The following GPR137C variants were observed in gnomAD, a reference collection of about 807,000 sequenced individuals.
GPR137C encodes the protein G protein-coupled receptor 137C.
A neutral mutation model predicts 43.4 loss-of-function variants in GPR137C; 27 were observed. The ratio of observed to expected loss-of-function variants is 0.62; its 90% CI spans 0.46 to 0.86. The LOEUF (loss-of-function observed/expected upper bound fraction) is 0.86, where lower values mean the gene tolerates loss of function less well. GPR137C is among the 40% of genes least tolerant of loss of function. GPR137C has a pLI of 0.00. For synonymous variants in GPR137C, 285 were observed against 226.9 expected (o/e 1.26, Z -2.30); for missense variants, 522 against 534.6 (o/e 0.98, Z 0.23).
intron 1 of GPR137C, among the ~76,000 whole-genome samples, chr14:52,564,361 C>T (rs1405404046): frequency 1.3e-5 from 2 of 151,058 alleles, no homozygotes; most frequent in African/African-American, 4.9e-5. Context: ...ATGTATACTA[C>T]AAGTCACTTC....
Position 52,577,503 on chromosome 14 carries a change from C to T in GPR137C, c.445-20769C>T, listed in dbSNP as rs2038575774. On this transcript the variant is annotated intron_variant, in intron 1 of 6. Coordinates refer to ENST00000321662, the MANE Select transcript of GPR137C (RefSeq NM_001099652.2). ...ATGAAATTGAGACCAAACATGCACG[C>T]GTGCGCGCGCGCGCACACACACACA... 2.2e-5 allele frequency among the ~76,000 whole-genome samples: 3 copies of T among 137,996 alleles called. No individual in the cohort carries two copies. In the South Asian group the frequency reaches 7.4e-4, roughly 34 times the overall value. The allele number at this position is 137,996 out of a possible 152,430, so 90.5% of individuals were successfully genotyped here. A position where few individuals can be genotyped will look rare whatever the true frequency, so the allele number is the denominator to read the frequency against.
rs74050993 is a variant in GPR137C, at chr14:52,630,888, A to G, written c.718-1272A>G. 8.7e-3 allele frequency among the ~76,000 whole-genome samples: 1,323 copies of G among 152,306 alleles called. 17 individuals are homozygous for G. The highest frequency in any genetic ancestry group is 0.03 in the African/African-American group (1,262 of 41,568). ...TATTTCAACATGTTACTTTTAGAGC[A>G]TGATGTAATAGATGTTTGTGTTTAG... On this transcript the variant is annotated intron_variant, in intron 3 of 6. Coordinates refer to ENST00000321662, the MANE Select transcript of GPR137C (RefSeq NM_001099652.2).
At chr14:52,599,895 A>G (rs1242336815) in intron 2 of GPR137C, among the ~76,000 whole-genome samples, 1 of 152,200 alleles carries the variant, frequency 6.6e-6, no homozygotes, top group Non-Finnish European at 1.5e-5. Flanking sequence ...ATTTGGGATT[A>G]CTTGAAATAG....
In GPR137C at chr14:52,574,421, A is replaced by G. The variant is rs980938242; in HGVS notation, c.444+20830A>G. On this transcript the variant is annotated intron_variant, in intron 1 of 6. Transcript: ENST00000321662. ...GGATGAGTTCATGTCCTTTGCAGGG[A>G]CATGGATGAAGCTGGAAACCATCAT... Among the ~76,000 whole-genome samples the G allele has an allele frequency of 5.8e-4, 88 of 152,306 alleles. 1 individual carries two copies. Among genetic ancestry groups the G allele is most frequent in the Non-Finnish European group, 3.5e-4 (24 of 68,036 alleles).
chr14:52,590,486 C>A (rs1326735491), intron 1 of GPR137C, among the ~76,000 whole-genome samples: 2 of 152,096 alleles, frequency 1.3e-5, no homozygotes, highest in East Asian at 3.9e-4. Context: ...ACAGTAATGT[C>A]CTAGGCCTAC....
intron 3 of GPR137C, among the ~76,000 whole-genome samples, chr14:52,627,869 A>G (rs2039247224): frequency 2.6e-5 from 4 of 152,194 alleles, no homozygotes; most frequent in African/African-American, 4.8e-5. Flanking sequence ...TTAAAAATAA[A>G]AAATAAAGTA....
At chr14:52,571,302 C>G (rs2038464373) in intron 1 of GPR137C, among the ~76,000 whole-genome samples, 1 of 152,180 alleles carries the variant, frequency 6.6e-6, no homozygotes. Flanking sequence ...AATAAACACA[C>G]ATCATACCAG....
At chr14:52,610,500 A>G (rs1010904163) in intron 3 of GPR137C, among the ~76,000 whole-genome samples, 1 of 152,224 alleles carries the variant, frequency 6.6e-6, no homozygotes, top group African/African-American at 2.4e-5. Context: ...TTTTGTTATA[A>G]TTATTCCATT....
intron 1 of GPR137C, among the ~76,000 whole-genome samples, chr14:52,571,615 A>G (rs1386241343): frequency 6.6e-6 from 1 of 152,174 alleles, no homozygotes; most frequent in Non-Finnish European, 1.5e-5. Context: ...TGGAGGTTGC[A>G]GTGAGCCAAG....
At chr14:52,632,462 T>G (rs2039306319) in intron 4 of GPR137C, among the ~76,000 whole-genome samples, 153 bp downstream of exon 4, 1 of 152,134 alleles carries the variant, frequency 6.6e-6, no homozygotes, top group Admixed American at 6.6e-5. Context: ...TAAAAATCTT[T>G]ATGTACGTGT....
chr14:52,555,477 C>T (rs2038178922), intron 1 of GPR137C, among the ~76,000 whole-genome samples: 1 of 152,050 alleles, frequency 6.6e-6, no homozygotes, highest in South Asian at 2.1e-4. Flanking sequence ...CAGGTAAGCA[C>T]AAAGTGGGTA....
intron 3 of GPR137C, among the ~76,000 whole-genome samples, chr14:52,603,923 G>A (rs2139534953): frequency 6.6e-6 from 1 of 152,166 alleles, no homozygotes; most frequent in Non-Finnish European, 1.5e-5. Flanking sequence ...ATCTCTGCCA[G>A]CACTTGATTT....
chr14:52,577,516 G>GCGCACACACACACACACACACA (rs369713179), intron 1 of GPR137C, among the ~76,000 whole-genome samples: 53 of 145,502 alleles, frequency 3.6e-4, no homozygotes, highest in Middle Eastern at 3.5e-3. Context: ...GCGCGCGCGC[G>GCGCACACACACACACACACACA]CACACACACA....
At chr14:52,593,439 G>A (rs1045567228) in intron 1 of GPR137C, among the ~76,000 whole-genome samples, 19 of 152,098 alleles carry the variant, frequency 1.2e-4, no homozygotes, top group African/African-American at 2.4e-4. Context: ...GGTAGAATTC[G>A]GCTGTGAATC....
chr14:52,620,908 AACAG>A (rs1364495110), intron 3 of GPR137C, among the ~76,000 whole-genome samples: 1 of 152,004 alleles, frequency 6.6e-6, no homozygotes, highest in Non-Finnish European at 1.5e-5. Flanking sequence ...CCTGTAATAA[AACAG>A]ACAGAAGCTC....
At chr14:52,614,781 C>T (rs1401478740) in intron 3 of GPR137C, among the ~76,000 whole-genome samples, 2 of 152,180 alleles carry the variant, frequency 1.3e-5, no homozygotes, top group Non-Finnish European at 2.9e-5. Flanking sequence ...GCCACCATGC[C>T]CAGCTGCCCA....
intron 3 of GPR137C, among the ~76,000 whole-genome samples, chr14:52,617,102 ACCTCTG>A (rs2039108256): frequency 1.3e-5 from 2 of 152,050 alleles, no homozygotes; most frequent in African/African-American, 4.8e-5. Flanking sequence ...TATGTGGCTC[ACCTCTG>A]TCAGCCATGG....
At chr14:52,570,468 A>C (rs1176526776) in intron 1 of GPR137C, among the ~76,000 whole-genome samples, 1 of 152,184 alleles carries the variant, frequency 6.6e-6, no homozygotes, top group Admixed American at 6.5e-5. Context: ...CTAGCATCAT[A>C]ATGACAGGAT....
chr14:52,588,473 T>C (rs2038740225), intron 1 of GPR137C, among the ~76,000 whole-genome samples: 1 of 152,128 alleles, frequency 6.6e-6, no homozygotes. Context: ...ATCACAGTAA[T>C]TGGACAAATC....
Sources: gnomAD v4.1 joint callset for allele counts (sites outside exome capture counted in the v4.1 genomes callset) on GRCh38, gnomAD v4.1.1 for gene constraint, MANE v1.5 for transcripts, NCBI Gene and HGNC (gene_info 2026-07-23, HGNC 2026-07-21) for gene names.